Variants in COL6A6 observed in about 807,000 individuals in gnomAD.
COL6A6 encodes collagen alpha-6(VI) chain.
COL6A6 carries 183 observed loss-of-function variants against 208.6 expected under a neutral mutation model. The observed-to-expected ratio is 0.88, with a 90% CI of 0.78 to 0.99. COL6A6 has a LOEUF of 0.99. COL6A6 is among the 50% of genes least tolerant of loss of function. The pLI is 0.00. For missense variants in COL6A6, 2,816 were observed against 2,815.2 expected, an observed-to-expected ratio of 1.00 and a Z score of -0.01; for synonymous variants, 973 against 1,011.8, an observed-to-expected ratio of 0.96 and a Z score of 0.73.
In COL6A6 at chr3:130,586,106, C is replaced by T. The variant is rs12631967; in HGVS notation, c.3971-400C>T. 0.011 allele frequency among the ~76,000 whole-genome samples: 1,689 copies of T among 152,292 alleles called. 185 individuals are homozygous for T. The East Asian group carries it at 0.26, about 23-fold the overall frequency. On this transcript the variant is annotated intron_variant, in intron 10 of 36. Coordinates refer to ENST00000358511, the MANE Select transcript of COL6A6 (RefSeq NM_001102608.3). ...TGTAGCTGGGACCACAGGCATATGC[C>T]ACCATGCCCAGCTAATTTTGTAAAA...
intron 1 of COL6A6, among the ~76,000 whole-genome samples, chr3:130,536,527 T>A (rs1181776363): frequency 1.3e-5 from 2 of 152,024 alleles, no homozygotes; most frequent in Non-Finnish European, 2.9e-5. Context: ...TGATTGGGAG[T>A]AGACGGGTAG....
intron 8 of COL6A6, among the ~76,000 whole-genome samples, chr3:130,576,799 G>A (rs2063308995): frequency 6.6e-6 from 1 of 152,186 alleles, no homozygotes; most frequent in Non-Finnish European, 1.5e-5. Context: ...TCAAAGGCAT[G>A]TACAAATATA....
At chr3:130,591,173 G>C (rs971037556) in intron 13 of COL6A6, 79 bp downstream of exon 13, 21 of 1,024,770 alleles carry the variant, frequency 2.0e-5, no homozygotes, top group Non-Finnish European at 3.1e-5. Flanking sequence ...AATTCAGGGG[G>C]AAGCAAGAAA....
At chr3:130,659,691 G>A (rs745994452) in intron 34 of COL6A6, among the ~76,000 whole-genome samples, 27 of 152,262 alleles carry the variant, frequency 1.8e-4, no homozygotes, top group Non-Finnish European at 3.1e-4. Context: ...ACTCTAAACC[G>A]TCTGCAGTTT....
intron 20 of COL6A6, among the ~76,000 whole-genome samples, chr3:130,602,682 C>T (rs964444988): frequency 1.3e-5 from 2 of 152,034 alleles, no homozygotes; most frequent in South Asian, 4.2e-4. Flanking sequence ...TTTGTTTTTT[C>T]TTCAAGTAAA....
At chr3:130,552,260 G>T (rs772703625) in intron 1 of COL6A6, among the ~76,000 whole-genome samples, 1 of 152,136 alleles carries the variant, frequency 6.6e-6, no homozygotes, top group Non-Finnish European at 1.5e-5. Flanking sequence ...CTATTATTGC[G>T]TGGCTATCTA....
intron 12 of COL6A6, 123 bp downstream of exon 12, chr3:130,589,305 A>G (rs1255432707): frequency 1.7e-6 from 1 of 602,718 alleles, no homozygotes; most frequent in Non-Finnish European, 2.9e-6. Flanking sequence ...AGAGTTTATT[A>G]TACTCCTCTT....
rs373116376 is a variant in COL6A6 at position 130,563,053 on chromosome 3, T to C, written c.65-15T>C. 24 of 1,583,328 alleles carry C rather than the reference T, an allele frequency of 1.5e-5. 1 individual carries two copies. Among genetic ancestry groups the C allele is most frequent in the Non-Finnish European group, 1.9e-5 (22 of 1,161,422 alleles). The stretch of plus-strand genomic sequence containing the variant: ...TTAAAGTTTTTGGTTCGTTCATATG[T>C]TTGTGGTTTTGCAGGCCCTGAGTAT... On this transcript the variant is annotated splice_polypyrimidine_tract_variant and intron_variant, in intron 2 of 36. Transcript: ENST00000358511.
Position 130,570,784 on chromosome 3 carries a change from T to C in COL6A6, c.2402-34T>C, listed in dbSNP as rs368253751. On this transcript the variant is annotated intron_variant, in intron 6 of 36. Transcript: ENST00000358511. The stretch of plus-strand genomic sequence containing the variant: ...CGTCTCCCATGCTGTCCAAAGCTAA[T>C]CTCATATGGTTTACCTCTCTCTTCC... 1.2e-5 allele frequency: 18 copies of C among 1,535,574 alleles called. No homozygotes were observed. In the African/African-American group the frequency reaches 2.5e-4, roughly 21 times the overall value.
In COL6A6 at chr3:130,649,434, T is replaced by C; in HGVS notation, c.5605T>C (p.Phe1869Leu). 6.2e-7 allele frequency: 1 copy of C among 1,613,088 alleles called. No individual in the cohort carries two copies. Among genetic ancestry groups the C allele is most frequent in the African/African-American group, 1.3e-5 (1 of 75,008 alleles). ...GGCACACACGAGAAAAATCGCCACA[T>C]TTTTCAGCAGCGGTCAGTCCGCGGA... The part of the protein sequence containing the change: ...PGAHTRKIAT[F>L]FSSGQSADAH... The change falls in exon 33 of 37, where the codon TTT becomes CTT. Residue 1869 changes from phenylalanine (F) to leucine (L), a missense_variant. Transcript: ENST00000358511.
chr3:130,649,416 A>G lies in COL6A6; in HGVS notation c.5587A>G (p.Thr1863Ala). The G allele has an allele frequency of 1.2e-6, 2 of 1,613,164 alleles. No individual in the cohort carries two copies. Among genetic ancestry groups the G allele is most frequent in the African/African-American group, 2.7e-5 (2 of 75,044 alleles). The change falls in exon 33 of 37, where the codon ACG becomes GCG. Residue 1863 changes from threonine (T) to alanine (A), a missense_variant. Coordinates refer to ENST00000358511, the MANE Select transcript of COL6A6 (RefSeq NM_001102608.3). ...CAAGCGGACGCTTCCGGGGGCACAC[A>G]CGAGAAAAATCGCCACATTTTTCAG... Reference protein sequence around the residue: ...VFKRTLPGAHTRKIATFFSSG... With the variant: ...VFKRTLPGAHARKIATFFSSG...
chr3:130,581,556 C>A lies in COL6A6; in HGVS notation c.3548-5C>A. On this transcript the variant is annotated splice_polypyrimidine_tract_variant and splice_region_variant and intron_variant, in intron 8 of 36. Coordinates refer to ENST00000358511, the MANE Select transcript of COL6A6 (RefSeq NM_001102608.3). ...ATTAAGACATGCTTTTCCTTTGAAT[C>A]CTAGACTGTTTCGTGGATGTTGTGG... 6.3e-7 allele frequency: 1 copy of A among 1,594,398 alleles called. No homozygotes were observed. Among genetic ancestry groups the A allele is most frequent in the South Asian group, 1.1e-5 (1 of 88,150 alleles).
chr3:130,616,564 A>AG (rs2064532696), intron 23 of COL6A6, among the ~76,000 whole-genome samples: 1 of 151,708 alleles, frequency 6.6e-6, no homozygotes, highest in Non-Finnish European at 1.5e-5. Flanking sequence ...AAAAAAAAAA[A>AG]AAAAAAGGAT....
At chr3:130,558,536 C>T (rs2062815361) in intron 1 of COL6A6, among the ~76,000 whole-genome samples, 1 of 152,296 alleles carries the variant, frequency 6.6e-6, no homozygotes, top group East Asian at 1.9e-4. Flanking sequence ...TTTCCAGATG[C>T]TGCATGCTGC....
chr3:130,574,496 G>C lies in COL6A6; in HGVS notation c.3518G>C (p.Arg1173Pro). The C allele has an allele frequency of 6.2e-7, 1 of 1,613,884 alleles. No homozygotes were observed. Among genetic ancestry groups the C allele is most frequent in the Non-Finnish European group, 8.5e-7 (1 of 1,179,868 alleles). The change falls in exon 8 of 37, where the codon CGC becomes CCC. Residue 1173 changes from arginine (R) to proline (P), a missense_variant. Arg to Pro is a moderately radical substitution (Grantham distance 103, BLOSUM62 -2). Coordinates refer to ENST00000358511, the MANE Select transcript of COL6A6 (RefSeq NM_001102608.3). ...ELKKVNKRIV[R>P]NICTTAGESN... is the part of the protein sequence containing the mutation. ...AAGAAGGTCAATAAAAGGATCGTTC[G>C]CAACATCTGTACCACAGCGGGTGAA...
intron 23 of COL6A6, among the ~76,000 whole-genome samples, chr3:130,619,902 G>A (rs993071498): frequency 6.6e-6 from 1 of 152,074 alleles, no homozygotes; most frequent in African/African-American, 2.4e-5. Context: ...ATTGTTTTGA[G>A]AATCCATTTC....
chr3:130,533,580 T>G (rs2062156794), intron 1 of COL6A6, among the ~76,000 whole-genome samples: 1 of 152,210 alleles, frequency 6.6e-6, no homozygotes, highest in African/African-American at 2.4e-5. Flanking sequence ...AAAAATAAAA[T>G]ATTACAGACA....
chr3:130,609,382 G>A (rs2064283430), intron 22 of COL6A6, among the ~76,000 whole-genome samples: 1 of 152,196 alleles, frequency 6.6e-6, no homozygotes, highest in South Asian at 2.1e-4. Context: ...AAAGACAGCT[G>A]GAGACATCAG....
At chr3:130,651,425 CAAA>C (rs35957602) in intron 33 of COL6A6, among the ~76,000 whole-genome samples, 4 of 61,022 alleles carry the variant, frequency 6.6e-5, no homozygotes, top group East Asian at 4.0e-4. Flanking sequence ...GACTCCATCT[CAAA>C]AAAAAAAAAA....
Sources: gnomAD v4.1 joint callset for allele counts (sites outside exome capture counted in the v4.1 genomes callset) on GRCh38, gnomAD v4.1.1 for gene constraint, MANE v1.5 for transcripts, NCBI Gene and HGNC (gene_info 2026-07-23, HGNC 2026-07-21) for gene names.